The following DNAH9 variants were observed in gnomAD, a reference collection of about 807,000 sequenced individuals.
DNAH9 encodes the protein DNAH9 variant protein.
Under a neutral mutation model 471.6 loss-of-function variants are expected in DNAH9, and 345 were observed. The ratio of observed to expected loss-of-function variants is 0.73; its 90% CI spans 0.67 to 0.80. The LOEUF is 0.80. DNAH9 is among the 30% of genes least tolerant of loss of function. The pLI, the probability that DNAH9 is intolerant of heterozygous loss-of-function variation, is 0.00. For synonymous variants in DNAH9, 2,093 were observed against 2,123.6 expected, an observed-to-expected ratio of 0.99 and a Z score of 0.40; for missense variants, 5,407 against 5,609.2, an observed-to-expected ratio of 0.96 and a Z score of 1.15.
Position 11,969,504 on chromosome 17 carries a change from G to A in DNAH9, c.13438G>A (p.Val4480Ile). 1 of 1,613,100 alleles carries A rather than the reference G, an allele frequency of 6.2e-7. No homozygotes were observed. Among genetic ancestry groups the A allele is most frequent in the Middle Eastern group, 1.7e-4 (1 of 5,758 alleles). ...CCCATCCAAGTGGGTTCTGGCTGGAGTAGCCTTGCTTCTCCAGATTTAGCA... is the reference window on the plus strand; with the variant it reads ...CCCATCCAAGTGGGTTCTGGCTGGAATAGCCTTGCTTCTCCAGATTTAGCA... Reference protein sequence around the residue: ...ENPSKWVLAGVALLLQI With the variant: ...ENPSKWVLAGIALLLQI The change falls in exon 69 of 69, where the codon GTA (valine) becomes ATA (isoleucine). Residue 4480 changes from valine to isoleucine, a missense_variant. Around this residue, in one of 3 missense-constraint regions of DNAH9, gnomAD observed 4,636 missense variants for 4,900.3 expected, o/e 0.95. Transcript: ENST00000262442.
At chr17:11,681,110 A>C (rs2150742134) in intron 19 of DNAH9, among the ~76,000 whole-genome samples, 1 of 152,316 alleles carries the variant, frequency 6.6e-6, no homozygotes, top group South Asian at 2.1e-4. Flanking sequence ...TCTTGCCTTA[A>C]AAAGATGCAT....
At position 11,884,382 on chromosome 17, in the gene DNAH9, G is replaced by C. The variant is rs529993210; in HGVS notation, c.10971+632G>C. On this transcript the variant is annotated intron_variant, in intron 56 of 68. Coordinates refer to ENST00000262442, the MANE Select transcript of DNAH9 (RefSeq NM_001372.4). ...GGGGCCCAACCCCTGCTCTGTTCCA[G>C]CATACCACCAAACCTCCAACAAGGC... The C allele has an allele frequency of 9.0e-6, 3 of 335,130 alleles. No homozygotes were observed. The Middle Eastern group carries it at 1.5e-3, about 172-fold the overall frequency. The allele number at this position is 335,130 out of a possible 1,614,324, so 20.8% of individuals were successfully genotyped here.
At chr17:11,769,513 C>A (rs1968113565) in intron 38 of DNAH9, among the ~76,000 whole-genome samples, 184 bp downstream of exon 38, 1 of 152,174 alleles carries the variant, frequency 6.6e-6, no homozygotes, top group South Asian at 2.1e-4. Flanking sequence ...CTCCAGCACC[C>A]CTTAGCACTG....
intron 68 of DNAH9, among the ~76,000 whole-genome samples, chr17:11,967,400 C>A (rs1465464992): frequency 6.6e-6 from 1 of 152,072 alleles, no homozygotes; most frequent in African/African-American, 2.4e-5. Flanking sequence ...AGGCACCATG[C>A]CCAGTCTTAG....
intron 33 of DNAH9, among the ~76,000 whole-genome samples, chr17:11,753,501 A>G (rs1320753448): frequency 6.6e-6 from 1 of 152,120 alleles, no homozygotes; most frequent in Non-Finnish European, 1.5e-5. Flanking sequence ...CCCCATCTCT[A>G]TGAAAAATAC....
intron 30 of DNAH9, among the ~76,000 whole-genome samples, chr17:11,743,252 A>G (rs982857141): frequency 6.6e-6 from 1 of 152,024 alleles, no homozygotes; most frequent in Admixed American, 6.6e-5. Flanking sequence ...CCTCTTCCTT[A>G]GCCCTATATA....
chr17:11,816,937 T>C (rs1428133034), intron 45 of DNAH9, among the ~76,000 whole-genome samples: 1 of 152,086 alleles, frequency 6.6e-6, no homozygotes, highest in Non-Finnish European at 1.5e-5. Context: ...CAGGCACCTG[T>C]AATCCCAGCT....
At position 11,934,058 on chromosome 17, in the gene DNAH9, A is replaced by G; in HGVS notation, c.12476A>G (p.Asn4159Ser). 1 of 1,613,662 alleles carries G rather than the reference A, an allele frequency of 6.2e-7. No homozygotes were observed. The highest frequency in any genetic ancestry group is 8.5e-7 in the Non-Finnish European group (1 of 1,179,740). ...CCACTCCCAGGCAACATGGACTACA[A>G]TGGTTATCATCAGGTGAGACTCTGC... ...GFPLPGNMDY[N>S]GYHQYIDAEL... Residue 4159 changes from asparagine to serine, a missense_variant, in exon 65 of 69, where the codon AAT (asparagine) becomes AGT (serine). Physicochemically the swap from Asn to Ser is conservative, Grantham distance 46. Coordinates refer to ENST00000262442, the MANE Select transcript of DNAH9 (RefSeq NM_001372.4).
intron 68 of DNAH9, among the ~76,000 whole-genome samples, chr17:11,965,044 CAGT>C (rs796776551): frequency 3.3e-5 from 5 of 152,252 alleles, no homozygotes; most frequent in African/African-American, 1.2e-4. Context: ...GTGGTGCAAA[CAGT>C]AGGCTAATCA....
At chr17:11,788,691 AGTTAT>A (rs1439733876) in intron 41 of DNAH9, among the ~76,000 whole-genome samples, 1 of 152,146 alleles carries the variant, frequency 6.6e-6, no homozygotes, top group African/African-American at 2.4e-5. Flanking sequence ...AAAGAGTAAC[AGTTAT>A]GTTTCTTTCT....
intron 14 of DNAH9, among the ~76,000 whole-genome samples, chr17:11,655,189 C>T (rs911325324): frequency 6.6e-6 from 1 of 152,030 alleles, no homozygotes; most frequent in Admixed American, 6.6e-5. Context: ...CCTCCTTATG[C>T]CTTTGCCTCC....
At chr17:11,848,176 C>T (rs1331966463) in intron 49 of DNAH9, among the ~76,000 whole-genome samples, 1 of 152,108 alleles carries the variant, frequency 6.6e-6, no homozygotes. Context: ...GTTGTATCAT[C>T]ATTTTGCCTG....
Position 11,950,526 on chromosome 17 carries a change from C to T in DNAH9, c.12843+8041C>T, listed in dbSNP as rs543977364. 3.3e-5 allele frequency among the ~76,000 whole-genome samples: 5 copies of T among 152,130 alleles called. No individual in the cohort carries two copies. The South Asian group carries it at 8.3e-4, about 25-fold the overall frequency. ...AACTACAGGTGCACACAACCACACC[C>T]GACTAACTTTTTATTTTTATTTTTG... is the stretch of plus-strand genomic sequence containing the variant. On this transcript the variant is annotated intron_variant, in intron 67 of 68. Coordinates refer to ENST00000262442, the MANE Select transcript of DNAH9 (RefSeq NM_001372.4).
In DNAH9 at chr17:11,669,575, A is replaced by C. The variant is rs895603563; in HGVS notation, c.3134A>C (p.Glu1045Ala). ...CCGGAAGAAATTGAAGACCATGTGGAAGATGGCATCCCAGAGAACCCTCCC... is the reference window on the plus strand; with the variant it reads ...CCGGAAGAAATTGAAGACCATGTGGCAGATGGCATCCCAGAGAACCCTCCC... ...LTPEEIEDHV[E>A]DGIPENPPLL... The change falls in exon 17 of 69, where the codon GAA becomes GCA. Residue 1045 changes from glutamate (E) to alanine (A), a missense_variant. Physicochemically the swap from Glu to Ala is moderately radical, Grantham distance 107 (BLOSUM62 -1). Transcript: ENST00000262442. 1.2e-6 allele frequency: 2 copies of C among 1,614,058 alleles called. No individual in the cohort carries two copies. The highest frequency in any genetic ancestry group is 1.7e-6 in the Non-Finnish European group (2 of 1,180,024).
chr17:11,657,284 T>G (rs890459901), intron 14 of DNAH9, among the ~76,000 whole-genome samples: 16 of 152,140 alleles, frequency 1.1e-4, no homozygotes, highest in African/African-American at 3.9e-4. Flanking sequence ...TTTTTGTATC[T>G]CACTGAAATT....
Position 11,924,060 on chromosome 17 carries a change from C to T in DNAH9, c.11877+119C>T, listed in dbSNP as rs959413904. 3.0e-6 allele frequency: 4 copies of T among 1,344,760 alleles called. No homozygotes were observed. In the Admixed American group the frequency reaches 6.9e-5, roughly 23 times the overall value. 83.3% of individuals were successfully genotyped at this position (1,344,760 alleles called of 1,614,324 possible). A position where few individuals can be genotyped will look rare whatever the true frequency, so the allele number is the denominator to read the frequency against. On this transcript the variant is annotated intron_variant, in intron 62 of 68. Coordinates refer to ENST00000262442, the MANE Select transcript of DNAH9 (RefSeq NM_001372.4). ...ATCTGTCCTTTCACACTCTTGTCCC[C>T]TTCATTTCTTCATCTTCTCTCTTTC... is the stretch of plus-strand genomic sequence containing the variant.
At position 11,598,510 on chromosome 17, in the gene DNAH9, G is replaced by C; in HGVS notation, c.12G>C (p.Ala4=). 1 of 1,379,226 alleles carries C rather than the reference G, an allele frequency of 7.3e-7. No individual in the cohort carries two copies. The allele number at this position is 1,379,226 out of a possible 1,614,324, so 85.4% of individuals were successfully genotyped here. A position where few individuals can be genotyped will look rare whatever the true frequency, so the allele number is the denominator to read the frequency against. MRL[A]EERAALAAEN... ...GGAGGCCGCGCGCGATGCGGCTCGCGGAGGAGCGGGCCGCGCTCGCGGCGG... is the reference window on the plus strand; with the variant it reads ...GGAGGCCGCGCGCGATGCGGCTCGCCGAGGAGCGGGCCGCGCTCGCGGCGG... Residue 4 remains alanine, a synonymous_variant, in exon 1 of 69, where the codon GCG becomes GCC. Coordinates refer to ENST00000262442, the MANE Select transcript of DNAH9 (RefSeq NM_001372.4).
intron 61 of DNAH9, among the ~76,000 whole-genome samples, chr17:11,922,789 A>C (rs1243296139): frequency 6.6e-6 from 1 of 152,184 alleles, no homozygotes; most frequent in Admixed American, 6.5e-5. Flanking sequence ...GAACTACCTG[A>C]ATCCTGCCCC....
chr17:11,659,704 C>T (rs1053883476), intron 14 of DNAH9, among the ~76,000 whole-genome samples: 3 of 152,264 alleles, frequency 2.0e-5, no homozygotes, highest in African/African-American at 7.2e-5. Flanking sequence ...ACATCCTCAT[C>T]TTTCTACCCC....
Sources: gnomAD v4.1 joint callset for allele counts (sites outside exome capture counted in the v4.1 genomes callset) on GRCh38, gnomAD v4.1.1 for gene constraint, gnomAD v4.1.1 regional missense constraint, MANE v1.5 for transcripts, NCBI Gene and HGNC (gene_info 2026-07-23, HGNC 2026-07-21) for gene names.